Variants in KCNU1 observed in about 807,000 individuals in gnomAD.
KCNU1 encodes potassium calcium-activated channel subfamily U member 1.
KCNU1 carries 93 observed loss-of-function variants against 126.8 expected under a neutral mutation model. That is an observed-to-expected ratio of 0.73 (90% CI 0.62 to 0.87). The LOEUF (loss-of-function observed/expected upper bound fraction) is 0.87. KCNU1 is among the 40% of genes least tolerant of loss of function. The pLI is 0.00. For synonymous variants in KCNU1, 523 were observed against 494.2 expected, an observed-to-expected ratio of 1.06 and a Z score of -0.77; for missense variants, 1,330 against 1,367.1, an observed-to-expected ratio of 0.97 and a Z score of 0.43.
At chr8:36,807,513 A>G in intron 6 of KCNU1, 63 bp downstream of exon 6, 1 of 1,170,876 alleles carries the variant, frequency 8.5e-7, no homozygotes, top group East Asian at 2.3e-5. Flanking sequence ...GAATGTATTA[A>G]CTGGACCCTA....
intron 19 of KCNU1, among the ~76,000 whole-genome samples, chr8:36,868,705 T>A (rs1181299421): frequency 6.6e-6 from 1 of 151,904 alleles, no homozygotes; most frequent in Non-Finnish European, 1.5e-5. Flanking sequence ...GTTGTCAGGC[T>A]AGCACACAAA....
At chr8:36,856,417 A>G (rs1011005793) in intron 18 of KCNU1, among the ~76,000 whole-genome samples, 17 of 152,290 alleles carry the variant, frequency 1.1e-4, no homozygotes, top group Admixed American at 7.8e-4. Context: ...GCAGCTCTGA[A>G]AACCAAGGCT....
chr8:36,920,922 T>C (rs533547030), intron 23 of KCNU1, among the ~76,000 whole-genome samples: 1 of 152,314 alleles, frequency 6.6e-6, no homozygotes, highest in East Asian at 1.9e-4. Flanking sequence ...TACTGAGGAA[T>C]AATTTAAGGC....
intron 18 of KCNU1, among the ~76,000 whole-genome samples, chr8:36,851,349 A>G (rs1206927566): frequency 6.7e-6 from 1 of 149,172 alleles, no homozygotes; most frequent in African/African-American, 2.5e-5. Context: ...ACAAGTTCTG[A>G]TGGTTTAAAG....
At chr8:36,868,731 T>C (rs1445189553) in intron 19 of KCNU1, among the ~76,000 whole-genome samples, 4 of 152,154 alleles carry the variant, frequency 2.6e-5, no homozygotes, top group African/African-American at 7.2e-5. Flanking sequence ...GTTTAATAGA[T>C]GGTAGTTAAA....
intron 19 of KCNU1, among the ~76,000 whole-genome samples, chr8:36,904,006 C>T (rs973270756): frequency 3.3e-5 from 5 of 152,052 alleles, no homozygotes; most frequent in African/African-American, 9.7e-5. Context: ...TGAGAACTAC[C>T]GTTCAAGATG....
intron 18 of KCNU1, among the ~76,000 whole-genome samples, chr8:36,858,917 A>G (rs1479893708): frequency 6.6e-6 from 1 of 152,206 alleles, no homozygotes; most frequent in East Asian, 1.9e-4. Flanking sequence ...CTCTTAAAAT[A>G]GAATAATTTC....
chr8:36,903,156 A>T (rs1807485755), intron 19 of KCNU1, among the ~76,000 whole-genome samples: 1 of 151,984 alleles, frequency 6.6e-6, no homozygotes, highest in African/African-American at 2.4e-5. Flanking sequence ...TCTCTGTCCT[A>T]TTACTTTAAG....
intron 19 of KCNU1, among the ~76,000 whole-genome samples, chr8:36,900,766 G>C (rs1304891891): frequency 6.6e-6 from 1 of 151,966 alleles, no homozygotes; most frequent in African/African-American, 2.4e-5. Context: ...TTGATTTTTG[G>C]CTAGAACTTG....
intron 22 of KCNU1, among the ~76,000 whole-genome samples, chr8:36,917,543 A>G (rs1045592434): frequency 2.4e-4 from 36 of 150,912 alleles, no homozygotes; most frequent in African/African-American, 8.8e-4. Flanking sequence ...TTTTGTAGAG[A>G]ACAGGTCTCT....
intron 2 of KCNU1, among the ~76,000 whole-genome samples, chr8:36,802,481 G>C (rs1362399276): frequency 1.3e-5 from 2 of 152,144 alleles, no homozygotes; most frequent in African/African-American, 4.8e-5. Context: ...GTCCCTTCCA[G>C]TGTTTGTTGG....
At chr8:36,858,137 G>A (rs1234027804) in intron 18 of KCNU1, among the ~76,000 whole-genome samples, 1 of 123,218 alleles carries the variant, frequency 8.1e-6, no homozygotes, top group African/African-American at 3.1e-5. Context: ...GTGAATCTTT[G>A]TACTTCCCCT....
chr8:36,858,176 C>A (rs996833527), intron 18 of KCNU1, among the ~76,000 whole-genome samples: 1,136 of 72,338 alleles, frequency 0.016, no homozygotes, highest in African/African-American at 0.021. Context: ...TCAAGGATGG[C>A]AAAAAAAAAA....
chr8:36,866,869 T>C (rs527932321), intron 19 of KCNU1, among the ~76,000 whole-genome samples: 1 of 152,282 alleles, frequency 6.6e-6, no homozygotes, highest in East Asian at 1.9e-4. Flanking sequence ...GAAGAGAAGA[T>C]GTAAAATGCT....
chr8:36,922,761 T>A lies in KCNU1; in HGVS notation c.2736+132T>A, dbSNP rs1808404845. The A allele has an allele frequency of 4.4e-6, 4 of 906,358 alleles. No individual in the cohort carries two copies. The Admixed American group carries it at 8.6e-5, about 20-fold the overall frequency. 56.1% of individuals were successfully genotyped at this position (906,358 alleles called of 1,614,324 possible). ...CTTTGATTTTCAAAAACAAGCTTGT[T>A]CCCATACATTAATTTATCTTTTCTC... On this transcript the variant is annotated intron_variant, in intron 24 of 26. Coordinates refer to ENST00000399881, the MANE Select transcript of KCNU1 (RefSeq NM_001031836.3).
chr8:36,830,685 TG>T (rs1804504190), intron 10 of KCNU1, among the ~76,000 whole-genome samples: 1 of 151,998 alleles, frequency 6.6e-6, no homozygotes, highest in East Asian at 1.9e-4. Flanking sequence ...GGTGTGTGTG[TG>T]TGTTTGGATG....
chr8:36,931,918 G>C (rs999490661), intron 25 of KCNU1, among the ~76,000 whole-genome samples: 1 of 152,024 alleles, frequency 6.6e-6, no homozygotes, highest in Non-Finnish European at 1.5e-5. Flanking sequence ...ATCAGAGTAG[G>C]GTCTAGCCAA....
chr8:36,828,027 A>G (rs1585423685), intron 10 of KCNU1, among the ~76,000 whole-genome samples: 1 of 152,140 alleles, frequency 6.6e-6, no homozygotes, highest in Non-Finnish European at 1.5e-5. Flanking sequence ...TGAATATTAC[A>G]TGTTTTTGAT....
chr8:36,851,338 C>T (rs1363186311), intron 18 of KCNU1, among the ~76,000 whole-genome samples: 1 of 151,770 alleles, frequency 6.6e-6, no homozygotes, highest in African/African-American at 2.4e-5. Flanking sequence ...AGTGAGTTCT[C>T]ACAAGTTCTG....
Sources: gnomAD v4.1 joint callset for allele counts (sites outside exome capture counted in the v4.1 genomes callset) on GRCh38, gnomAD v4.1.1 for gene constraint, MANE v1.5 for transcripts, NCBI Gene and HGNC (gene_info 2026-07-23, HGNC 2026-07-21) for gene names.